TSPAN9: variants seen among roughly 807,000 people sequenced by gnomAD.
TSPAN9 encodes the protein tetraspanin 9.
In TSPAN9, 16 loss-of-function variants were observed where a neutral mutation model predicts 31.0. The ratio of observed to expected loss-of-function variants is 0.52; its 90% CI spans 0.35 to 0.78. The LOEUF (loss-of-function observed/expected upper bound fraction) is 0.78. Among genes scored for constraint, TSPAN9 ranks in the 30% least tolerant of loss-of-function variants. TSPAN9 has a pLI of 0.01. For synonymous variants in TSPAN9, 145 were observed against 121.6 expected (o/e 1.19, Z -1.27); for missense variants, 272 against 312.5 (o/e 0.87, Z 0.98).
chr12:3,235,752 C>T (rs1219102585), intron 3 of TSPAN9, among the ~76,000 whole-genome samples: 2 of 152,218 alleles, frequency 1.3e-5, no homozygotes, highest in Non-Finnish European at 2.9e-5. Flanking sequence ...TGGTGCTTTC[C>T]CTGTGAGCTG....
chr12:3,174,828 C>T (rs974044508), intron 2 of TSPAN9, among the ~76,000 whole-genome samples: 17 of 150,700 alleles, frequency 1.1e-4, no homozygotes, highest in Admixed American at 2.0e-4. Flanking sequence ...GTGATCCTCC[C>T]GCCTCGGCCT....
In TSPAN9 at chr12:3,226,779, TATATATATATA is replaced by T. The variant is rs1565622623; in HGVS notation, c.63+25524_63+25534del. Among the ~76,000 whole-genome samples the T allele has an allele frequency of 5.0e-3, 44 of 8,732 alleles. 8 individuals carry two copies. Among genetic ancestry groups the T allele is most frequent in the African/African-American group, 0.016 (37 of 2,284 alleles). The allele number at this position is 8,732 out of a possible 152,430, so 5.7% of individuals were successfully genotyped here. A position where few individuals can be genotyped will look rare whatever the true frequency, so the allele number is the denominator to read the frequency against. On this transcript the variant is annotated intron_variant, in intron 3 of 8. Coordinates refer to ENST00000011898, the MANE Select transcript of TSPAN9 (RefSeq NM_006675.5). The stretch of plus-strand genomic sequence containing the variant: ...ATATATATATATATATATATATATA[TATATATATATA>T]TATATTTTTTTTTTTTTTTCCCTCT...
rs1245769022 is a variant in TSPAN9, at chr12:3,285,341, AGTGCATTGGGAGAT to A, written c.*2231_*2244del. 7.2e-5 allele frequency: 11 copies of A among 152,172 alleles called. No homozygotes were observed. The highest frequency in any genetic ancestry group is 7.2e-4 in the Admixed American group (11 of 15,282). 9.4% of individuals were successfully genotyped at this position (152,172 alleles called of 1,614,324 possible). A position where few individuals can be genotyped will look rare whatever the true frequency, so the allele number is the denominator to read the frequency against. On this transcript the variant is annotated 3_prime_UTR_variant, in exon 9 of 9. Transcript: ENST00000011898. The stretch of plus-strand genomic sequence containing the variant: ...TTGTTAATATCAACAGCAAAAGCCT[AGTGCATTGGGAGAT>A]GTGCAACCTCCCTGAAAATCTTTTC...
intron 2 of TSPAN9, among the ~76,000 whole-genome samples, chr12:3,189,941 C>T (rs2098363442): frequency 1.3e-5 from 2 of 152,332 alleles, no homozygotes; most frequent in African/African-American, 4.8e-5. Flanking sequence ...AAGTCTGTCC[C>T]TGCCACCCAT....
intron 3 of TSPAN9, among the ~76,000 whole-genome samples, chr12:3,207,446 G>A (rs1458531668): frequency 1.3e-5 from 2 of 152,194 alleles, no homozygotes; most frequent in Non-Finnish European, 2.9e-5. Flanking sequence ...AGTAGAAGTG[G>A]TGGGGGGTTG....
intron 3 of TSPAN9, among the ~76,000 whole-genome samples, chr12:3,244,266 A>T (rs1028698127): frequency 2.6e-5 from 4 of 152,104 alleles, no homozygotes; most frequent in African/African-American, 9.7e-5. Flanking sequence ...CCAGTAGGTA[A>T]GCGGGTCTTG....
At chr12:3,089,743 T>C (rs558527325) in intron 2 of TSPAN9, among the ~76,000 whole-genome samples, 6 of 151,846 alleles carry the variant, frequency 4.0e-5, no homozygotes, top group African/African-American at 1.4e-4. Context: ...AGATCCTGAC[T>C]CTACAAAAAA....
At chr12:3,275,844 CTTGCACTGT>C (rs773757741) in intron 3 of TSPAN9, among the ~76,000 whole-genome samples, 3 of 152,266 alleles carry the variant, frequency 2.0e-5, no homozygotes, top group Non-Finnish European at 2.9e-5. Flanking sequence ...CCTGCAGCTC[CTTGCACTGT>C]CTCTTGGTTA....
intron 3 of TSPAN9, among the ~76,000 whole-genome samples, chr12:3,217,026 G>C (rs1341942237): frequency 6.6e-6 from 1 of 152,262 alleles, no homozygotes; most frequent in South Asian, 2.1e-4. Flanking sequence ...AGAAGTGGCA[G>C]ACTGGCTGAG....
intron 8 of TSPAN9, 96 bp downstream of exon 8, chr12:3,281,913 C>T (rs777968526): frequency 1.4e-5 from 19 of 1,364,146 alleles, no homozygotes; most frequent in African/African-American, 7.1e-5. Flanking sequence ...TGGTACACGG[C>T]GGAGGGTCTG....
intron 2 of TSPAN9, among the ~76,000 whole-genome samples, chr12:3,174,814 C>T (rs1035769879): frequency 4.0e-5 from 6 of 150,556 alleles, no homozygotes; most frequent in Middle Eastern, 7.0e-3. Flanking sequence ...GATCTCCTGA[C>T]CTCGTGATCC....
chr12:3,113,163 C>G (rs1302499452), intron 2 of TSPAN9, among the ~76,000 whole-genome samples: 3 of 152,116 alleles, frequency 2.0e-5, no homozygotes, highest in African/African-American at 7.2e-5. Flanking sequence ...AATGTAAGAG[C>G]CCATCAAGGG....
At chr12:3,226,794 A>AT (rs1203426057) in intron 3 of TSPAN9, among the ~76,000 whole-genome samples, 3 of 16,398 alleles carry the variant, frequency 1.8e-4, no homozygotes, top group African/African-American at 7.4e-4. Context: ...ATATATATAT[A>AT]TTTTTTTTTT....
intron 2 of TSPAN9, among the ~76,000 whole-genome samples, chr12:3,193,807 A>T (rs1332226754): frequency 1.3e-5 from 2 of 152,024 alleles, no homozygotes; most frequent in East Asian, 3.9e-4. Flanking sequence ...TCTACCTCAG[A>T]TCTTTCCCAC....
At chr12:3,138,854 G>A (rs897140056) in intron 2 of TSPAN9, among the ~76,000 whole-genome samples, 1 of 152,110 alleles carries the variant, frequency 6.6e-6, no homozygotes, top group African/African-American at 2.4e-5. Flanking sequence ...TTATCTGACT[G>A]CTGGCCGAAG....
In TSPAN9 at chr12:3,111,482, C is replaced by G. The variant is rs1195607801; in HGVS notation, c.-18+27763C>G. 4.6e-5 allele frequency among the ~76,000 whole-genome samples: 7 copies of G among 152,214 alleles called. No homozygotes were observed. The East Asian group carries it at 9.6e-4, about 21-fold the overall frequency. On this transcript the variant is annotated intron_variant, in intron 2 of 8. Coordinates refer to ENST00000011898, the MANE Select transcript of TSPAN9 (RefSeq NM_006675.5). The stretch of plus-strand genomic sequence containing the variant: ...AAAAGAAATTTATCATAAAACTTAC[C>G]TGATGAGGTTTATGTGAGGATTAAA...
intron 2 of TSPAN9, among the ~76,000 whole-genome samples, chr12:3,118,090 TG>T (rs1340581317): frequency 6.6e-6 from 1 of 151,878 alleles, no homozygotes; most frequent in Non-Finnish European, 1.5e-5. Flanking sequence ...GCCTGTGAAG[TG>T]GGGATTATAA....
At chr12:3,242,571 C>T (rs979098409) in intron 3 of TSPAN9, among the ~76,000 whole-genome samples, 12 of 152,220 alleles carry the variant, frequency 7.9e-5, no homozygotes, top group East Asian at 1.9e-4. Flanking sequence ...GCCAGCTCCC[C>T]GAGGATGGGG....
intron 2 of TSPAN9, chr12:3,200,291 C>T (rs1228139961): frequency 6.6e-6 from 1 of 152,182 alleles, no homozygotes; most frequent in Non-Finnish European, 1.5e-5. Flanking sequence ...GGGGCGGGGC[C>T]GAGGGCCCGG....
Sources: allele counts gnomAD v4.1 joint callset (sites outside exome capture counted in the v4.1 genomes callset), GRCh38; gene constraint gnomAD v4.1.1; transcripts MANE v1.5; gene names NCBI Gene and HGNC (gene_info 2026-07-23, HGNC 2026-07-21).